Variants in SPMIP11 observed in about 807,000 individuals in gnomAD.
The protein encoded by SPMIP11 is long intergenic non-protein coding RNA 935.
At chr12:48,757,837 T>C in the SPMIP11 span, among the ~76,000 whole-genome samples, 1 of 151,442 alleles carries the variant, frequency 6.6e-6, no homozygotes, top group Non-Finnish European at 1.5e-5. Context: ...CTACTAAAAA[T>C]ATGAAAATTA....
chr12:48,770,546 A>G, the SPMIP11 span, among the ~76,000 whole-genome samples: 1 of 152,210 alleles, frequency 6.6e-6, no homozygotes, highest in Admixed American at 6.5e-5. Context: ...CTATCCAATG[A>G]AAGGCGATAA....
the SPMIP11 span, among the ~76,000 whole-genome samples, chr12:48,730,321 A>G: frequency 1.3e-5 from 2 of 152,182 alleles, no homozygotes; most frequent in African/African-American, 4.8e-5. Flanking sequence ...AGAAAATCAG[A>G]GGCAGGAGGT....
At chr12:48,730,793 C>T in the SPMIP11 span, among the ~76,000 whole-genome samples, 1 of 152,126 alleles carries the variant, frequency 6.6e-6, no homozygotes, top group African/African-American at 2.4e-5. Context: ...CAAAAATTAG[C>T]CAGGCGTAGT....
the SPMIP11 span, among the ~76,000 whole-genome samples, chr12:48,742,523 G>A: frequency 6.6e-6 from 1 of 151,664 alleles, no homozygotes; most frequent in African/African-American, 2.4e-5. Context: ...CTCGTGATCT[G>A]CCTACCTCAG....
the SPMIP11 span, among the ~76,000 whole-genome samples, chr12:48,760,927 TATC>T: frequency 6.6e-6 from 1 of 152,258 alleles, no homozygotes; most frequent in East Asian, 1.9e-4. Flanking sequence ...TATTGTATAT[TATC>T]ATGCATTATC....
the SPMIP11 span, among the ~76,000 whole-genome samples, chr12:48,762,086 TCTCA>T: frequency 7.6e-6 from 1 of 130,758 alleles, no homozygotes; most frequent in African/African-American, 2.9e-5. Context: ...ACGGAGTCTC[TCTCA>T]CTCTGTCTCC....
chr12:48,742,622 A>T, the SPMIP11 span, among the ~76,000 whole-genome samples: 1 of 151,712 alleles, frequency 6.6e-6, no homozygotes, highest in African/African-American at 2.4e-5. Flanking sequence ...AGTGGCTCAC[A>T]CCTGTAATCT....
At chr12:48,770,597 G>A in the SPMIP11 span, among the ~76,000 whole-genome samples, 1 of 152,198 alleles carries the variant, frequency 6.6e-6, no homozygotes, top group Non-Finnish European at 1.5e-5. Flanking sequence ...TTATAGGACA[G>A]TGCCTAATGA....
At chr12:48,759,217 G>A in the SPMIP11 span, 9 of 702,816 alleles carry the variant, frequency 1.3e-5, no homozygotes, top group African/African-American at 1.2e-4. Flanking sequence ...AGACCAGAAG[G>A]AACCAGAGCC....
At chr12:48,762,561 T>G in the SPMIP11 span, among the ~76,000 whole-genome samples, 1 of 150,966 alleles carries the variant, frequency 6.6e-6, no homozygotes, top group Non-Finnish European at 1.5e-5. Flanking sequence ...AGAGACGAGG[T>G]TTCACCATAT....
the SPMIP11 span, among the ~76,000 whole-genome samples, chr12:48,739,015 C>G: frequency 1.3e-5 from 2 of 150,456 alleles, no homozygotes; most frequent in African/African-American, 4.9e-5. Flanking sequence ...CATTTTTGGT[C>G]CTCTGATTTT....
At chr12:48,767,599 G>C in the SPMIP11 span, 1 of 152,684 alleles carries the variant, frequency 6.5e-6, no homozygotes, top group Non-Finnish European at 1.5e-5. Flanking sequence ...TGGGAGGGCA[G>C]GTTTGGGATC....
the SPMIP11 span, chr12:48,736,220 A>G: frequency 2.8e-6 from 1 of 359,520 alleles, no homozygotes; most frequent in East Asian, 1.0e-4. Context: ...GATGAACAAC[A>G]TGGGGAAACC....
At chr12:48,748,579 G>C in the SPMIP11 span, among the ~76,000 whole-genome samples, 1 of 151,424 alleles carries the variant, frequency 6.6e-6, no homozygotes, top group Non-Finnish European at 1.5e-5. Flanking sequence ...GTCCGCTTGA[G>C]TTTAGTGATT....
At chr12:48,763,560 T>A in the SPMIP11 span, among the ~76,000 whole-genome samples, 9 of 152,118 alleles carry the variant, frequency 5.9e-5, no homozygotes, top group Non-Finnish European at 1.2e-4. Flanking sequence ...TTAGGGATTT[T>A]AAAAAAATTA....
At chr12:48,748,856 A>G in the SPMIP11 span, among the ~76,000 whole-genome samples, 2 of 152,110 alleles carry the variant, frequency 1.3e-5, no homozygotes, top group Non-Finnish European at 2.9e-5. Context: ...TGGCCCACGC[A>G]CCTATTAAGA....
chr12:48,767,214 T>C, the SPMIP11 span: 1 of 152,690 alleles, frequency 6.5e-6, no homozygotes, highest in East Asian at 1.9e-4. Context: ...CCCAGACAGT[T>C]CAAGTGCTGG....
the SPMIP11 span, chr12:48,770,909 A>G: frequency 6.2e-7 from 1 of 1,614,212 alleles, no homozygotes; most frequent in Non-Finnish European, 8.5e-7. Context: ...TGAGGCAGCC[A>G]TGTAGGTGCT....
At chr12:48,754,973 A>C in the SPMIP11 span, among the ~76,000 whole-genome samples, 1 of 152,192 alleles carries the variant, frequency 6.6e-6, no homozygotes, top group African/African-American at 2.4e-5. Flanking sequence ...ACCCTAATCT[A>C]GAAGGTAGAT....
Sources: allele counts gnomAD v4.1 joint callset (sites outside exome capture counted in the v4.1 genomes callset), GRCh38; gene constraint gnomAD v4.1.1; transcripts MANE v1.5; gene names NCBI Gene and HGNC (gene_info 2026-07-23, HGNC 2026-07-21).